TIMM23B: variants seen among roughly 807,000 people sequenced by gnomAD.
TIMM23B encodes the protein mitochondrial import inner membrane translocase subunit Tim23B.
A neutral mutation model predicts 27.3 loss-of-function variants in TIMM23B; 27 were observed. The observed-to-expected ratio is 0.99, with a 90% CI of 0.73 to 1.36. TIMM23B has a LOEUF of 1.36. Among genes scored for constraint, TIMM23B ranks in the 40% most tolerant of loss-of-function variants. The pLI, the probability that TIMM23B is intolerant of heterozygous loss-of-function variation, is 0.00. For missense variants in TIMM23B, 205 were observed against 244.2 expected, an observed-to-expected ratio of 0.84 and a Z score of 1.07; for synonymous variants, 73 against 92.4, an observed-to-expected ratio of 0.79 and a Z score of 1.21.
intron 2 of TIMM23B, among the ~76,000 whole-genome samples, chr10:49,948,829 ACT>A (rs1187590166): frequency 2.6e-5 from 4 of 152,066 alleles, no homozygotes; most frequent in African/African-American, 9.7e-5. Flanking sequence ...TGAATTGTAC[ACT>A]CTAAGTAAGT....
chr10:49,942,068 C>T lies in TIMM23B; in HGVS notation c.-127C>T, dbSNP rs1285616893. 1.2e-5 allele frequency: 15 copies of T among 1,288,912 alleles called. No individual in the cohort carries two copies. Among genetic ancestry groups the T allele is most frequent in the African/African-American group, 7.5e-5 (5 of 66,570 alleles). The allele number at this position is 1,288,912 out of a possible 1,614,324, so 79.8% of individuals were successfully genotyped here. On this transcript the variant is annotated 5_prime_UTR_variant, in exon 1 of 7. Coordinates refer to ENST00000651259, the MANE Select transcript of TIMM23B (RefSeq NM_001290117.2). ...TGTGGCGCTTAACGGGAACCGGCGC[C>T]CGGAATGTCAGCGTGTGAAGTAGGC...
intron 2 of TIMM23B, among the ~76,000 whole-genome samples, chr10:49,947,933 G>GA (rs1564678994): frequency 6.6e-6 from 1 of 151,676 alleles, no homozygotes; most frequent in South Asian, 2.1e-4. Flanking sequence ...GTCTCAAAAG[G>GA]AAAAAAATGG....
At chr10:49,954,296 A>C (rs1839639514) in intron 4 of TIMM23B, 1 of 451,554 alleles carries the variant, frequency 2.2e-6, no homozygotes, top group Non-Finnish European at 4.4e-6. Flanking sequence ...CTCTTCATCC[A>C]GTTGCCTCCA....
At chr10:49,968,393 C>T (rs1428347870) in intron 6 of TIMM23B, among the ~76,000 whole-genome samples, 1 of 152,252 alleles carries the variant, frequency 6.6e-6, no homozygotes, top group Non-Finnish European at 1.5e-5. Context: ...AGTCAAAATG[C>T]TACGTGATAT....
chr10:49,944,264 A>G (rs1235033670), intron 1 of TIMM23B, among the ~76,000 whole-genome samples: 3 of 152,240 alleles, frequency 2.0e-5, no homozygotes, highest in Non-Finnish European at 2.9e-5. Context: ...GCTGTGAGAT[A>G]TGATGGTTGG....
At chr10:49,971,491 A>G (rs1156637380) in intron 6 of TIMM23B, among the ~76,000 whole-genome samples, 1 of 152,206 alleles carries the variant, frequency 6.6e-6, no homozygotes, top group Non-Finnish European at 1.5e-5. Context: ...TAAAACACAC[A>G]AATGAAATAT....
In TIMM23B at chr10:49,945,058, T is replaced by A. The variant is rs1281978615; in HGVS notation, c.133T>A (p.Tyr45Asn). 3.1e-6 allele frequency: 5 copies of A among 1,599,268 alleles called. No homozygotes were observed. The East Asian group carries it at 1.1e-4, about 36-fold the overall frequency. The change falls in exon 2 of 7, where the codon TAT (tyrosine) becomes AAT (asparagine). Residue 45 changes from tyrosine (Y) to asparagine (N), a missense_variant. Physicochemically the swap from Tyr to Asn is moderately radical, Grantham distance 143. Transcript: ENST00000651259. ...AACTGGTATGAACCCTCTGTGTCCT[T>A]ATTTAAATGTGGATCCACGATACCT... Reference protein sequence around the residue: ...PLTGMNPLCPYLNVDPRYLVQ... With the variant: ...PLTGMNPLCPNLNVDPRYLVQ...
At position 49,966,681 on chromosome 10, in the gene TIMM23B, C is replaced by T. The variant is rs559819241; in HGVS notation, c.515-6331C>T. Among the ~76,000 whole-genome samples, 317 of 152,040 alleles carry T rather than the reference C, an allele frequency of 2.1e-3. 3 individuals are homozygous for T. Among genetic ancestry groups the T allele is most frequent in the African/African-American group, 7.0e-3 (289 of 41,474 alleles). On this transcript the variant is annotated intron_variant, in intron 6 of 6. Coordinates refer to ENST00000651259, the MANE Select transcript of TIMM23B (RefSeq NM_001290117.2). Reference sequence around the variant, plus strand: ...TCTCTACTAAAATAAAAAAACTAGCCGGGCATGATAGCGGGTGCCTGTAAT... The same window carrying T: ...TCTCTACTAAAATAAAAAAACTAGCTGGGCATGATAGCGGGTGCCTGTAAT...
At position 49,964,081 on chromosome 10, in the gene TIMM23B, AATGGGAATGGGAAT is replaced by A. The variant is rs1236452695; in HGVS notation, c.514+5612_514+5625del. Among the ~76,000 whole-genome samples the A allele has an allele frequency of 3.3e-5, 5 of 152,048 alleles. No individual in the cohort carries two copies. In the East Asian group the frequency reaches 5.8e-4, roughly 18 times the overall value. On this transcript the variant is annotated intron_variant, in intron 6 of 6. Coordinates refer to ENST00000651259, the MANE Select transcript of TIMM23B (RefSeq NM_001290117.2). ...TCTGTCATGAAATGGATTGAAATTG[AATGGGAATGGGAAT>A]ATGGGAATGGAATAAATGAAATGAA...
At chr10:49,959,094 CCTT>C (rs1839815633) in intron 6 of TIMM23B, among the ~76,000 whole-genome samples, 3 of 152,124 alleles carry the variant, frequency 2.0e-5, no homozygotes, top group Admixed American at 6.5e-5. Context: ...TCTTCAAGGT[CCTT>C]CTTTCTTTTT....
At chr10:49,958,853 CAA>C (rs1839808811) in intron 6 of TIMM23B, among the ~76,000 whole-genome samples, 1 of 152,184 alleles carries the variant, frequency 6.6e-6, no homozygotes, top group Non-Finnish European at 1.5e-5. Context: ...TAGAATCATA[CAA>C]TATTTGTCCT....
chr10:49,948,377 CAA>C (rs1355990781), intron 2 of TIMM23B, among the ~76,000 whole-genome samples: 7 of 151,836 alleles, frequency 4.6e-5, no homozygotes, highest in South Asian at 2.1e-4. Context: ...ACTCCATACT[CAA>C]GAGAATTGAA....
At chr10:49,961,360 G>C (rs1839893527) in intron 6 of TIMM23B, among the ~76,000 whole-genome samples, 3 of 140,232 alleles carry the variant, frequency 2.1e-5, no homozygotes, top group African/African-American at 8.2e-5. Flanking sequence ...TCTAGCCTGG[G>C]CAATAAGAGT....
intron 5 of TIMM23B, among the ~76,000 whole-genome samples, chr10:49,956,315 A>G (rs1243170469): frequency 6.6e-6 from 1 of 152,028 alleles, no homozygotes; most frequent in African/African-American, 2.4e-5. Flanking sequence ...GCAAGAGCAT[A>G]GAAAGATGGC....
intron 6 of TIMM23B, among the ~76,000 whole-genome samples, chr10:49,967,371 G>C: frequency 6.6e-6 from 1 of 152,308 alleles, no homozygotes; most frequent in South Asian, 2.1e-4. Context: ...GAATCTGGAC[G>C]TTGAAGTTAT....
rs1589060970 is a variant in TIMM23B at position 49,974,578 on chromosome 10, T to C, written c.*1514T>C. 1 of 151,782 alleles carries C rather than the reference T, an allele frequency of 6.6e-6. No homozygotes were observed. Among genetic ancestry groups the C allele is most frequent in the African/African-American group, 2.4e-5 (1 of 41,140 alleles). 9.4% of individuals were successfully genotyped at this position (151,782 alleles called of 1,614,324 possible). A position where few individuals can be genotyped will look rare whatever the true frequency, so the allele number is the denominator to read the frequency against. On this transcript the variant is annotated 3_prime_UTR_variant, in exon 7 of 7. Coordinates refer to ENST00000651259, the MANE Select transcript of TIMM23B (RefSeq NM_001290117.2). ...TAAAAAATTATGTAATGTGTGTATA[T>C]ACAAATACCTATATGTATGTGTGTA...
At chr10:49,968,512 AAC>A (rs753741357) in intron 6 of TIMM23B, among the ~76,000 whole-genome samples, 1 of 144,862 alleles carries the variant, frequency 6.9e-6, no homozygotes, top group Non-Finnish European at 1.6e-5. Flanking sequence ...AAGAATATAA[AAC>A]ATGTGTAGTT....
chr10:49,969,595 A>G (rs1840327304), intron 6 of TIMM23B, among the ~76,000 whole-genome samples: 1 of 151,428 alleles, frequency 6.6e-6, no homozygotes, highest in Non-Finnish European at 1.5e-5. Context: ...CCCGAGGCTG[A>G]GGTGGGAAGA....
At chr10:49,969,054 T>C (rs1249301563) in intron 6 of TIMM23B, among the ~76,000 whole-genome samples, 1 of 151,030 alleles carries the variant, frequency 6.6e-6, no homozygotes, top group Non-Finnish European at 1.5e-5. Flanking sequence ...GAGCAGAGTT[T>C]GGTATTTTAT....
Sources: gnomAD v4.1 joint callset for allele counts (sites outside exome capture counted in the v4.1 genomes callset) on GRCh38, gnomAD v4.1.1 for gene constraint, MANE v1.5 for transcripts, NCBI Gene and HGNC (gene_info 2026-07-23, HGNC 2026-07-21) for gene names.